Variants in HMGCLL1 observed in about 807,000 individuals in gnomAD.
HMGCLL1 encodes 3-hydroxy-3-methylglutaryl-CoA lyase like 1.
A neutral mutation model predicts 39.1 loss-of-function variants in HMGCLL1; 36 were observed. The ratio of observed to expected loss-of-function variants is 0.92; its 90% CI spans 0.71 to 1.22. The LOEUF is 1.22. Among genes scored for constraint, HMGCLL1 ranks in the 50% most tolerant of loss-of-function variants. The probability of loss-of-function intolerance (pLI) is 0.00; values close to 1 mark genes in which losing one functional copy is unlikely to be tolerated. For synonymous variants in HMGCLL1, 149 were observed against 144.0 expected, an observed-to-expected ratio of 1.03 and a Z score of -0.25; for missense variants, 451 against 416.5, an observed-to-expected ratio of 1.08 and a Z score of -0.72.
the HMGCLL1 span, among the ~76,000 whole-genome samples, chr6:55,650,656 A>G: frequency 1.3e-5 from 2 of 152,022 alleles, no homozygotes; most frequent in Non-Finnish European, 2.9e-5. Context: ...GGGTATGTCC[A>G]GAGATGTAGT....
intron 8 of HMGCLL1, among the ~76,000 whole-genome samples, chr6:55,439,148 C>G (rs1470298823): frequency 1.3e-5 from 2 of 152,074 alleles, no homozygotes; most frequent in East Asian, 3.9e-4. Context: ...CTCCAACTCA[C>G]AAAGTGTATA....
At chr6:55,455,514 A>G (rs950339706) in intron 7 of HMGCLL1, among the ~76,000 whole-genome samples, 1 of 152,216 alleles carries the variant, frequency 6.6e-6, no homozygotes, top group Non-Finnish European at 1.5e-5. Context: ...GAAAACTCGC[A>G]TGTCTAGAAA....
chr6:55,453,453 G>A lies in HMGCLL1; in HGVS notation c.796-13894C>T, dbSNP rs1352899172. Among the ~76,000 whole-genome samples the A allele has an allele frequency of 3.3e-5, 5 of 152,164 alleles. No homozygotes were observed. In the South Asian group the frequency reaches 6.2e-4, roughly 19 times the overall value. The stretch of plus-strand genomic sequence containing the variant: ...GCTGGGATTACAGGCGTGAGCCACC[G>A]CGCCTGGCCAGAAGATTTTAATGAG... On this transcript the variant is annotated intron_variant, in intron 7 of 8. Coordinates refer to ENST00000274901, the MANE Select transcript of HMGCLL1 (RefSeq NM_001042406.2).
chr6:55,564,874 A>G (rs2127472634), intron 1 of HMGCLL1, among the ~76,000 whole-genome samples: 1 of 151,914 alleles, frequency 6.6e-6, no homozygotes, highest in South Asian at 2.1e-4. Flanking sequence ...ATAACTTTAC[A>G]GAGTCTGAAT....
the HMGCLL1 span, among the ~76,000 whole-genome samples, chr6:55,672,723 T>C: frequency 6.6e-6 from 1 of 151,954 alleles, no homozygotes. Flanking sequence ...TATATGTAAT[T>C]GCAAAATACT....
At chr6:55,658,753 C>A in the HMGCLL1 span, among the ~76,000 whole-genome samples, 1 of 151,876 alleles carries the variant, frequency 6.6e-6, no homozygotes, top group Non-Finnish European at 1.5e-5. Context: ...TAAAAATAGA[C>A]ATGTTCTGTA....
chr6:55,556,742 C>G (rs1037222610), intron 1 of HMGCLL1, among the ~76,000 whole-genome samples: 1 of 151,980 alleles, frequency 6.6e-6, no homozygotes, highest in African/African-American at 2.4e-5. Flanking sequence ...ATAATCTAGA[C>G]GAGAGATGAC....
the HMGCLL1 span, among the ~76,000 whole-genome samples, chr6:55,607,749 C>G: frequency 6.6e-6 from 1 of 152,044 alleles, no homozygotes; most frequent in Non-Finnish European, 1.5e-5. Flanking sequence ...ATCCCAAGAG[C>G]CTTCCTTAAT....
chr6:55,630,221 A>T, the HMGCLL1 span, among the ~76,000 whole-genome samples: 1 of 152,132 alleles, frequency 6.6e-6, no homozygotes, highest in Non-Finnish European at 1.5e-5. Flanking sequence ...TGTGACCTGG[A>T]TATGAGACAT....
At chr6:55,516,681 A>G (rs2127438209) in intron 3 of HMGCLL1, 78 bp from the exon 4 acceptor site, 1 of 909,572 alleles carries the variant, frequency 1.1e-6, no homozygotes, top group East Asian at 2.5e-5. Context: ...CAGGTAGGTT[A>G]TAGTTACATG....
chr6:55,560,387 T>A (rs1042916831), intron 1 of HMGCLL1, among the ~76,000 whole-genome samples: 1 of 152,150 alleles, frequency 6.6e-6, no homozygotes, highest in Admixed American at 6.6e-5. Context: ...GAAAAATGCT[T>A]CCCAGTATGT....
At chr6:55,485,534 A>G (rs1301314072) in intron 7 of HMGCLL1, among the ~76,000 whole-genome samples, 2 of 152,068 alleles carry the variant, frequency 1.3e-5, no homozygotes, top group African/African-American at 4.8e-5. Flanking sequence ...TAATCCTACC[A>G]TATATACATA....
At chr6:55,588,859 G>A in the HMGCLL1 span, among the ~76,000 whole-genome samples, 1 of 152,148 alleles carries the variant, frequency 6.6e-6, no homozygotes, top group African/African-American at 2.4e-5. Context: ...AAACCAGGAA[G>A]AAGTTGAATC....
the HMGCLL1 span, among the ~76,000 whole-genome samples, chr6:55,625,567 A>G: frequency 1.3e-5 from 2 of 152,138 alleles, no homozygotes; most frequent in East Asian, 3.9e-4. Flanking sequence ...GCAGCACTAC[A>G]GCCCCTTTCT....
intron 1 of HMGCLL1, among the ~76,000 whole-genome samples, chr6:55,576,405 T>C (rs1366981381): frequency 2.6e-5 from 4 of 152,192 alleles, no homozygotes; most frequent in Admixed American, 2.6e-4. Context: ...TAAGATGATG[T>C]TGCTGAGAGA....
chr6:55,494,257 A>G (rs1373838552), intron 7 of HMGCLL1, among the ~76,000 whole-genome samples: 1 of 152,172 alleles, frequency 6.6e-6, no homozygotes, highest in African/African-American at 2.4e-5. Context: ...TAAATATGCT[A>G]CACAAATAAA....
At chr6:55,465,362 T>G (rs1296329793) in intron 7 of HMGCLL1, among the ~76,000 whole-genome samples, 1 of 152,110 alleles carries the variant, frequency 6.6e-6, no homozygotes, top group Admixed American at 6.6e-5. Flanking sequence ...GCAAATGATA[T>G]GATTACTATA....
chr6:55,533,433 C>G (rs1561942068), intron 3 of HMGCLL1, among the ~76,000 whole-genome samples: 1 of 151,972 alleles, frequency 6.6e-6, no homozygotes, highest in Non-Finnish European at 1.5e-5. Context: ...AAAAGAGCAA[C>G]AAAAATCTAA....
the HMGCLL1 span, among the ~76,000 whole-genome samples, chr6:55,592,904 C>T: frequency 6.6e-6 from 1 of 152,110 alleles, no homozygotes; most frequent in Admixed American, 6.6e-5. Flanking sequence ...AGAAGTCGGA[C>T]ATCAGAGCCC....
Sources: allele counts gnomAD v4.1 joint callset (sites outside exome capture counted in the v4.1 genomes callset), GRCh38; gene constraint gnomAD v4.1.1; transcripts MANE v1.5; gene names NCBI Gene and HGNC (gene_info 2026-07-23, HGNC 2026-07-21).